The following UVSSA variants were observed in gnomAD, a reference collection of about 807,000 sequenced individuals.
UVSSA encodes UV-stimulated scaffold protein A.
In UVSSA, 72 loss-of-function variants were observed where a neutral mutation model predicts 73.9. The observed-to-expected ratio is 0.97, with a 90% CI of 0.81 to 1.19. The LOEUF (loss-of-function observed/expected upper bound fraction) is 1.19, where lower values mean the gene tolerates loss of function less well. Among genes scored for constraint, UVSSA ranks in the 50% most tolerant of loss-of-function variants. The pLI is 0.00. For synonymous variants in UVSSA, 454 were observed against 391.3 expected, an observed-to-expected ratio of 1.16 and a Z score of -1.89; for missense variants, 1,150 against 965.0, an observed-to-expected ratio of 1.19 and a Z score of -2.54.
rs759698522 is a variant in UVSSA at position 1,375,493 on chromosome 4, C to A, written c.1418C>A (p.Pro473Gln). ...CGGCAGCTCCGGGACCACTTGCCTC[C>A]ACCCTCATCTGCCAGGTGACTCCCA... ...QLRQLRDHLP[P>Q]PSSASPSRAL... The change falls in exon 9 of 14, where the codon CCA becomes CAA. Residue 473 changes from proline to glutamine, a missense_variant. Physicochemically the swap from Pro to Gln is moderately conservative, Grantham distance 76. Coordinates refer to ENST00000389851, the MANE Select transcript of UVSSA (RefSeq NM_020894.4). The A allele has an allele frequency of 6.8e-6, 11 of 1,610,672 alleles. No homozygotes were observed. In the Admixed American group the frequency reaches 8.3e-5, roughly 12 times the overall value.
intron 2 of UVSSA, 151 bp from the exon 3 acceptor site, chr4:1,349,373 T>C: frequency 1.3e-6 from 1 of 763,934 alleles, no homozygotes; most frequent in Non-Finnish European, 2.1e-6. Flanking sequence ...GGCAGTAGTT[T>C]GCAGACCCTG....
chr4:1,368,427 A>G (rs1331910558), intron 8 of UVSSA, among the ~76,000 whole-genome samples: 3 of 152,270 alleles, frequency 2.0e-5, no homozygotes, highest in Non-Finnish European at 4.4e-5. Context: ...CCCAAAGAAC[A>G]GAGCGGTCTC....
chr4:1,354,854 C>T lies in UVSSA; in HGVS notation c.1047+7C>T. ...TGTGTGCTCGTGGATCCAGGTGAGC[C>T]TCGAACCTGGGACCTGTGGGTGGAG... On this transcript the variant is annotated splice_region_variant and intron_variant, in intron 6 of 13. Coordinates refer to ENST00000389851, the MANE Select transcript of UVSSA (RefSeq NM_020894.4). 5 of 1,605,132 alleles carry T rather than the reference C, an allele frequency of 3.1e-6. No individual in the cohort carries two copies. Among genetic ancestry groups the T allele is most frequent in the Non-Finnish European group, 4.2e-6 (5 of 1,177,000 alleles).
At chr4:1,354,706 T>G (rs1455416697) in intron 5 of UVSSA, 29 bp from the exon 6 acceptor site, 1 of 1,604,212 alleles carries the variant, frequency 6.2e-7, no homozygotes, top group Non-Finnish European at 8.5e-7. Flanking sequence ...GTCGGCGCCC[T>G]CTTGTGACCT....
downstream of UVSSA, chr4:1,391,948 G>C (rs1720423413): frequency 6.6e-6 from 1 of 152,150 alleles, no homozygotes; most frequent in Non-Finnish European, 1.5e-5. Context: ...GAGAAAGTTG[G>C]ATTTGTATCT....
chr4:1,368,019 G>A (rs1717560963), intron 8 of UVSSA, among the ~76,000 whole-genome samples: 1 of 152,278 alleles, frequency 6.6e-6, no homozygotes, highest in Non-Finnish European at 1.5e-5. Context: ...GCCCTCAGGT[G>A]GACCAGGCCG....
chr4:1,375,272 A>G, intron 8 of UVSSA, 92 bp from the exon 9 acceptor site: 1 of 1,560,030 alleles, frequency 6.4e-7, no homozygotes, highest in Non-Finnish European at 8.7e-7. Flanking sequence ...GAACACGCTA[A>G]CGCATAGGCG....
chr4:1,375,590 G>A, intron 9 of UVSSA, 82 bp downstream of exon 9: 2 of 1,536,132 alleles, frequency 1.3e-6, no homozygotes, highest in South Asian at 1.2e-5. Context: ...GGCCTCGAGA[G>A]GCTGCTTAGT....
chr4:1,347,991 A>G, intron 1 of UVSSA, 99 bp from the exon 2 acceptor site: 1 of 991,718 alleles, frequency 1.0e-6, no homozygotes, highest in South Asian at 1.4e-5. Context: ...GTCCTCCCGG[A>G]GCTTTCGGTT....
At chr4:1,363,431 C>T (rs916901248) in intron 7 of UVSSA, among the ~76,000 whole-genome samples, 10 of 152,110 alleles carry the variant, frequency 6.6e-5, no homozygotes, top group African/African-American at 2.2e-4. Flanking sequence ...TAAAAGTCCC[C>T]GATGAAATTC....
chr4:1,351,627 G>C, intron 3 of UVSSA, 88 bp from the exon 4 acceptor site: 1 of 1,410,780 alleles, frequency 7.1e-7, no homozygotes, highest in Non-Finnish European at 9.8e-7. Context: ...CTGACCTCGT[G>C]ATCTGCCTGC....
At chr4:1,342,040 TATA>T (rs1363509524), upstream of UVSSA, among the ~76,000 whole-genome samples, 1 of 152,242 alleles carries the variant, frequency 6.6e-6, no homozygotes, top group Non-Finnish European at 1.5e-5. Flanking sequence ...TATTTGGGGC[TATA>T]ATAAGTAAAC....
chr4:1,394,182 C>G, exon 14 of UVSSA: 1 of 472,032 alleles, frequency 2.1e-6, no homozygotes, highest in East Asian at 4.2e-5. Flanking sequence ...AGCTCTGTGC[C>G]TGTGTGGGCA....
At chr4:1,376,333 C>T (rs772190893) in intron 10 of UVSSA, among the ~76,000 whole-genome samples, 165 bp downstream of exon 10, 4 of 152,352 alleles carry the variant, frequency 2.6e-5, no homozygotes, top group Admixed American at 6.5e-5. Context: ...GGTGGGCCTC[C>T]CCTGCTGATC....
rs73793378 is a variant in UVSSA at position 1,348,211 on chromosome 4, C to G, written c.98+22C>G. ...GCAAGTATGTCTTAGGGTTCAGTAA[C>G]AGTAACTGACTGGCCCACTGAGCCC... On this transcript the variant is annotated intron_variant, in intron 2 of 13. Coordinates refer to ENST00000389851, the MANE Select transcript of UVSSA (RefSeq NM_020894.4). The G allele has an allele frequency of 4.5e-4, 711 of 1,573,604 alleles. 4 individuals carry two copies. The African/African-American group carries it at 8.5e-3, about 19-fold the overall frequency.
At position 1,349,720 on chromosome 4, in the gene UVSSA, C is replaced by T. The variant is rs1162287163; in HGVS notation, c.295C>T (p.Leu99=). ...LTLGTDPAQP[L]PPPREAAQRL... ...GCTGGGCACAGACCCCGCACAGCCT[C>T]TGCCGCCCCCCAGGGAGGCGGCACA... Residue 99 remains leucine (L), a synonymous_variant, in exon 3 of 14, where the codon CTG becomes TTG. Transcript: ENST00000389851. 1 of 1,613,856 alleles carries T rather than the reference C, an allele frequency of 6.2e-7. No homozygotes were observed. The highest frequency in any genetic ancestry group is 2.2e-5 in the East Asian group (1 of 44,884).
rs1192467153 is a variant in UVSSA, at chr4:1,349,571, A to G, written c.146A>G (p.Gln49Arg). The G allele has an allele frequency of 6.2e-7, 1 of 1,614,018 alleles. No individual in the cohort carries two copies. The highest frequency in any genetic ancestry group is 1.1e-5 in the South Asian group (1 of 91,088). Residue 49 changes from glutamine to arginine, a missense_variant, in exon 3 of 14, where the codon CAG (glutamine) becomes CGG (arginine). Coordinates refer to ENST00000389851, the MANE Select transcript of UVSSA (RefSeq NM_020894.4). The part of the protein sequence containing the change: ...LSRAYRLLIA[Q>R]LTQEHAEIRL... ...CGCGCCTACCGCCTGCTGATAGCACAGCTGACCCAGGAGCACGCCGAGATC... is the reference window on the plus strand; with the variant it reads ...CGCGCCTACCGCCTGCTGATAGCACGGCTGACCCAGGAGCACGCCGAGATC...
chr4:1,345,629 A>T (rs1412808326), upstream of UVSSA, among the ~76,000 whole-genome samples: 1 of 130,194 alleles, frequency 7.7e-6, no homozygotes, highest in East Asian at 2.2e-4. Context: ...TGGGTGACAA[A>T]GCGAGACTTT....
intron 5 of UVSSA, 44 bp downstream of exon 5, chr4:1,353,457 C>T: frequency 6.9e-7 from 1 of 1,440,906 alleles, no homozygotes; most frequent in Non-Finnish European, 9.1e-7. Flanking sequence ...CCTGCCCCGG[C>T]TCCCGGGTAG....
Sources: gnomAD v4.1 joint callset for allele counts (sites outside exome capture counted in the v4.1 genomes callset) on GRCh38, gnomAD v4.1.1 for gene constraint, MANE v1.5 for transcripts, NCBI Gene and HGNC (gene_info 2026-07-23, HGNC 2026-07-21) for gene names.